The following PDE10A variants were observed in gnomAD, a reference collection of about 807,000 sequenced individuals.
The protein encoded by PDE10A is cAMP and cAMP-inhibited cGMP 3',5'-cyclic phosphodiesterase 10A.
PDE10A carries 39 observed loss-of-function variants against 97.7 expected under a neutral mutation model. That is an observed-to-expected ratio of 0.40 (90% confidence interval 0.31 to 0.52). PDE10A has a LOEUF of 0.52. Among genes scored for constraint, PDE10A ranks in the 20% least tolerant of loss-of-function variants. The pLI is 0.56. For missense variants in PDE10A, 731 were observed against 1,047.8 expected, an observed-to-expected ratio of 0.70 and a Z score of 4.17; for synonymous variants, 371 against 376.8, an observed-to-expected ratio of 0.98 and a Z score of 0.18.
intron 2 of PDE10A, among the ~76,000 whole-genome samples, chr6:165,542,657 T>G (rs182201468): frequency 4.8e-5 from 7 of 146,306 alleles, no homozygotes; most frequent in African/African-American, 1.8e-4. Flanking sequence ...CTTGCTCTGT[T>G]GCCCAGGCTG....
At chr6:165,616,550 T>G (rs1332907832) in intron 1 of PDE10A, among the ~76,000 whole-genome samples, 1 of 152,180 alleles carries the variant, frequency 6.6e-6, no homozygotes, top group Non-Finnish European at 1.5e-5. Flanking sequence ...GATTAAACAA[T>G]GTACAGGTTA....
At chr6:165,808,915 T>A (rs1461602690) in intron 1 of PDE10A, among the ~76,000 whole-genome samples, 2 of 152,240 alleles carry the variant, frequency 1.3e-5, no homozygotes, top group Non-Finnish European at 2.9e-5. Context: ...TTGCTAATTA[T>A]TTTTTGACAT....
chr6:165,986,331 G>T, intron 1 of PDE10A: 1 of 152,602 alleles, frequency 6.6e-6, no homozygotes, highest in Non-Finnish European at 1.5e-5. Context: ...GCAGAGGAAA[G>T]GGGTGGGGAG....
In PDE10A at chr6:165,943,218, A is replaced by G. The variant is rs866062669; in HGVS notation, c.-615+44311T>C. Among the ~76,000 whole-genome samples the G allele has an allele frequency of 5.0e-3, 385 of 76,352 alleles. 13 individuals are homozygous for G. Among genetic ancestry groups the G allele is most frequent in the African/African-American group, 7.6e-3 (132 of 17,302 alleles). 50.1% of individuals were successfully genotyped at this position (76,352 alleles called of 152,430 possible). On this transcript the variant is annotated intron_variant, in intron 1 of 19. Transcript: ENST00000366882. ...AAGAAAGAAAGAAAGAAAGAAAGAA[A>G]GAAAGAAAGAAAGAAAGAAGGAAGG... is the stretch of plus-strand genomic sequence containing the variant.
chr6:165,467,623 C>G (rs540703423), intron 3 of PDE10A, among the ~76,000 whole-genome samples: 2 of 152,304 alleles, frequency 1.3e-5, no homozygotes, highest in Non-Finnish European at 2.9e-5. Context: ...TTGAAAGCTA[C>G]TGCTCCAAAA....
intron 1 of PDE10A, among the ~76,000 whole-genome samples, chr6:165,800,788 A>G (rs1014010726): frequency 6.6e-6 from 1 of 152,202 alleles, no homozygotes; most frequent in Non-Finnish European, 1.5e-5. Context: ...AGTAATAATG[A>G]TTCTCCACGT....
At chr6:165,918,358 A>T (rs1782663905) in intron 1 of PDE10A, among the ~76,000 whole-genome samples, 1 of 152,248 alleles carries the variant, frequency 6.6e-6, no homozygotes. Context: ...GACTTTAAAG[A>T]AAGTTAACAT....
chr6:165,869,225 A>G (rs945666873), intron 1 of PDE10A, among the ~76,000 whole-genome samples: 11 of 152,128 alleles, frequency 7.2e-5, no homozygotes, highest in Non-Finnish European at 1.2e-4. Flanking sequence ...AAACTCTTAG[A>G]ACTGACATAT....
At chr6:165,879,258 T>C (rs749802829) in intron 1 of PDE10A, among the ~76,000 whole-genome samples, 5 of 152,208 alleles carry the variant, frequency 3.3e-5, no homozygotes, top group Non-Finnish European at 2.9e-5. Flanking sequence ...ATTACTTGAA[T>C]TTTATCTTTG....
At chr6:165,805,872 C>T (rs1779122175) in intron 1 of PDE10A, among the ~76,000 whole-genome samples, 1 of 151,262 alleles carries the variant, frequency 6.6e-6, no homozygotes, top group Admixed American at 6.6e-5. Context: ...TTCCTGGGAA[C>T]CCCACAGAGT....
At chr6:165,374,221 G>A (rs7744356) in intron 18 of PDE10A, among the ~76,000 whole-genome samples, 82,854 of 149,966 alleles carry the variant, frequency 0.55, 23,888 homozygotes, top group African/African-American at 0.73. Flanking sequence ...CCTAAAACTT[G>A]AAGTATGATA....
At chr6:165,746,580 C>T (rs6912825) in intron 1 of PDE10A, among the ~76,000 whole-genome samples, 12,793 of 152,230 alleles carry the variant, frequency 0.084, 1,262 homozygotes, top group African/African-American at 0.24. Flanking sequence ...GGAGACACAG[C>T]GGTGAACACA....
intron 5 of PDE10A, among the ~76,000 whole-genome samples, chr6:165,446,435 C>T (rs1790853323): frequency 6.6e-6 from 1 of 152,150 alleles, no homozygotes; most frequent in South Asian, 2.1e-4. Flanking sequence ...AGTCTTCTTC[C>T]TACCCACAGA....
chr6:165,581,891 G>T (rs973466402), intron 1 of PDE10A, among the ~76,000 whole-genome samples: 2 of 152,160 alleles, frequency 1.3e-5, no homozygotes, highest in African/African-American at 4.8e-5. Flanking sequence ...GTCTAACAAT[G>T]GGGTTTCTAG....
intron 2 of PDE10A, among the ~76,000 whole-genome samples, chr6:165,502,357 G>A (rs1054087380): frequency 7.2e-5 from 11 of 152,088 alleles, no homozygotes; most frequent in Non-Finnish European, 1.3e-4. Context: ...TTCAAAATAC[G>A]TATCTGGCAA....
chr6:165,462,576 G>A (rs1049188782), intron 3 of PDE10A, among the ~76,000 whole-genome samples: 1 of 152,164 alleles, frequency 6.6e-6, no homozygotes, highest in East Asian at 1.9e-4. Context: ...AGGATCCCGA[G>A]GACCCCCTAG....
chr6:165,424,461 A>T (rs1017187480), intron 10 of PDE10A, among the ~76,000 whole-genome samples: 4 of 148,670 alleles, frequency 2.7e-5, no homozygotes, highest in African/African-American at 1.0e-4. Context: ...AATGTCATAG[A>T]AGAAATTGAA....
chr6:165,949,591 C>G (rs1389510701), intron 1 of PDE10A: 1 of 152,180 alleles, frequency 6.6e-6, no homozygotes, highest in Non-Finnish European at 1.5e-5. Flanking sequence ...GAAGTGCCAT[C>G]TCCCGCTGAC....
chr6:165,820,253 A>AT (rs1779532383), intron 1 of PDE10A, among the ~76,000 whole-genome samples: 1 of 152,138 alleles, frequency 6.6e-6, no homozygotes, highest in African/African-American at 2.4e-5. Context: ...GGTGGTTTTT[A>AT]TTTTCAGTTT....
Sources: gnomAD v4.1 joint callset for allele counts (sites outside exome capture counted in the v4.1 genomes callset) on GRCh38, gnomAD v4.1.1 for gene constraint, MANE v1.5 for transcripts, NCBI Gene and HGNC (gene_info 2026-07-23, HGNC 2026-07-21) for gene names.